The following CWC27 variants were observed in gnomAD, a reference collection of about 807,000 sequenced individuals.
CWC27 encodes CWC27 spliceosome associated cyclophilin.
A neutral mutation model predicts 63.6 loss-of-function variants in CWC27; 47 were observed. The observed-to-expected ratio is 0.74, with a 90% CI of 0.58 to 0.94. CWC27 has a LOEUF of 0.94. CWC27 is among the 40% of genes least tolerant of loss of function. CWC27 has a pLI of 0.00. For missense variants in CWC27, 495 were observed against 554.3 expected, an observed-to-expected ratio of 0.89 and a Z score of 1.07; for synonymous variants, 175 against 179.8, an observed-to-expected ratio of 0.97 and a Z score of 0.22.
chr5:64,797,519 A>T, intron 7 of CWC27, among the ~76,000 whole-genome samples: 1 of 152,170 alleles, frequency 6.6e-6, no homozygotes, highest in East Asian at 1.9e-4. Flanking sequence ...GGTAATGATT[A>T]TTAAAATTAA....
At chr5:64,816,175 C>G (rs1745022044) in intron 10 of CWC27, among the ~76,000 whole-genome samples, 1 of 152,128 alleles carries the variant, frequency 6.6e-6, no homozygotes, top group African/African-American at 2.4e-5. Flanking sequence ...GACTGGATTT[C>G]TGTGTCCAAA....
intron 11 of CWC27, among the ~76,000 whole-genome samples, chr5:64,956,129 T>C (rs1207753816): frequency 6.6e-6 from 1 of 152,054 alleles, no homozygotes; most frequent in Admixed American, 6.6e-5. Context: ...TCTAGAATGG[T>C]TCAACACATT....
chr5:64,999,852 C>T (rs982473514), intron 13 of CWC27, among the ~76,000 whole-genome samples: 16 of 152,044 alleles, frequency 1.1e-4, no homozygotes, highest in African/African-American at 3.4e-4. Flanking sequence ...GATAGATACT[C>T]AGTAGTGGAA....
intron 13 of CWC27, among the ~76,000 whole-genome samples, chr5:65,017,009 A>C (rs193028272): frequency 6.6e-6 from 1 of 152,208 alleles, no homozygotes; most frequent in Non-Finnish European, 1.5e-5. Flanking sequence ...AAAAGACTTA[A>C]GAGTTTTATT....
intron 10 of CWC27, among the ~76,000 whole-genome samples, chr5:64,869,145 T>C (rs147299178): frequency 6.6e-6 from 1 of 152,154 alleles, no homozygotes; most frequent in East Asian, 1.9e-4. Flanking sequence ...TTCATAAAAT[T>C]AAGGGCAAAT....
At chr5:64,854,581 G>A (rs947227482) in intron 10 of CWC27, among the ~76,000 whole-genome samples, 1 of 152,208 alleles carries the variant, frequency 6.6e-6, no homozygotes, top group African/African-American at 2.4e-5. Flanking sequence ...GATTGAGATG[G>A]ACTGAAACTT....
At chr5:64,845,423 G>C (rs1054488525) in intron 10 of CWC27, among the ~76,000 whole-genome samples, 7 of 152,160 alleles carry the variant, frequency 4.6e-5, no homozygotes, top group African/African-American at 1.7e-4. Context: ...GAAGAATTTA[G>C]AATACTACTC....
chr5:64,988,563 C>T (rs1031872017), intron 13 of CWC27, among the ~76,000 whole-genome samples: 15 of 150,936 alleles, frequency 9.9e-5, no homozygotes, highest in African/African-American at 2.9e-4. Flanking sequence ...CCCATGTATA[C>T]GCCACCCGCT....
chr5:64,946,869 G>C (rs182621587), intron 11 of CWC27, among the ~76,000 whole-genome samples: 1 of 151,996 alleles, frequency 6.6e-6, no homozygotes. Flanking sequence ...TGTCATTACT[G>C]TTCTTCTAAT....
chr5:64,887,857 G>A (rs1747114912), intron 11 of CWC27, among the ~76,000 whole-genome samples: 1 of 151,998 alleles, frequency 6.6e-6, no homozygotes, highest in Non-Finnish European at 1.5e-5. Flanking sequence ...AACTTTAAAG[G>A]AAATACAATT....
chr5:64,912,714 T>A (rs1747816385), intron 11 of CWC27, among the ~76,000 whole-genome samples: 2 of 152,120 alleles, frequency 1.3e-5, no homozygotes, highest in African/African-American at 4.8e-5. Context: ...CCCACCAACA[T>A]AAAAATGCTC....
At chr5:64,960,152 A>G (rs1354953115) in intron 11 of CWC27, among the ~76,000 whole-genome samples, 1 of 151,128 alleles carries the variant, frequency 6.6e-6, no homozygotes, top group East Asian at 1.9e-4. Context: ...TTTCATCGGG[A>G]TATACCCAGT....
intron 10 of CWC27, among the ~76,000 whole-genome samples, chr5:64,865,681 ATTTT>A (rs1263373738): frequency 4.5e-4 from 69 of 152,064 alleles, no homozygotes; most frequent in African/African-American, 1.7e-3. Flanking sequence ...AAATCTCTCG[ATTTT>A]TTACTTTATA....
chr5:64,839,297 G>C (rs1452627657), intron 10 of CWC27, among the ~76,000 whole-genome samples: 1 of 152,190 alleles, frequency 6.6e-6, no homozygotes, highest in Non-Finnish European at 1.5e-5. Flanking sequence ...TGATGGCCGT[G>C]TGAAGCATTC....
At chr5:64,940,878 A>G (rs574526809) in intron 11 of CWC27, among the ~76,000 whole-genome samples, 2 of 50,864 alleles carry the variant, frequency 3.9e-5, no homozygotes, top group Non-Finnish European at 7.7e-5. Flanking sequence ...AGACAGTCTT[A>G]CTTTGTCGCC....
At chr5:64,920,081 T>A (rs1446853810) in intron 11 of CWC27, among the ~76,000 whole-genome samples, 1 of 152,214 alleles carries the variant, frequency 6.6e-6, no homozygotes, top group Non-Finnish European at 1.5e-5. Context: ...TTCTTCCACC[T>A]CAGCCTTCCG....
At position 64,807,725 on chromosome 5, in the gene CWC27, A is replaced by G. The variant is rs1043465105; in HGVS notation, c.938+3339A>G. On this transcript the variant is annotated intron_variant, in intron 10 of 13. Coordinates refer to ENST00000381070, the MANE Select transcript of CWC27 (RefSeq NM_005869.4). ...TCAGCTGTGTCTCCAGTGCTTCCTT[A>G]TTACTCACTCGCCACAATGTTTACT... 14 of 1,535,696 alleles carry G rather than the reference A, an allele frequency of 9.1e-6. No homozygotes were observed. In the African/African-American group the frequency reaches 1.6e-4, roughly 18 times the overall value.
chr5:64,783,809 C>T (rs201021243), intron 3 of CWC27, 27 bp from the exon 4 acceptor site: 34 of 1,525,838 alleles, frequency 2.2e-5, no homozygotes, highest in Non-Finnish European at 3.0e-5. Context: ...TAACTGAGGA[C>T]ATTCACTAAA....
intron 11 of CWC27, among the ~76,000 whole-genome samples, chr5:64,903,854 T>C (rs950965537): frequency 6.6e-6 from 1 of 152,232 alleles, no homozygotes; most frequent in African/African-American, 2.4e-5. Flanking sequence ...TGACTTCTTT[T>C]ACCTGCCTTA....
Sources: allele counts gnomAD v4.1 joint callset (sites outside exome capture counted in the v4.1 genomes callset), GRCh38; gene constraint gnomAD v4.1.1; transcripts MANE v1.5; gene names NCBI Gene and HGNC (gene_info 2026-07-23, HGNC 2026-07-21).